The following CSMD3 variants were observed in gnomAD, a reference collection of about 807,000 sequenced individuals.
The protein encoded by CSMD3 is CUB and sushi domain-containing protein 3.
Under a neutral mutation model 435.2 loss-of-function variants are expected in CSMD3, and 177 were observed. The ratio of observed to expected loss-of-function variants is 0.41; its 90% CI spans 0.36 to 0.46. The LOEUF (loss-of-function observed/expected upper bound fraction) is 0.46. Among genes scored for constraint, CSMD3 ranks in the 20% least tolerant of loss-of-function variants. The probability of loss-of-function intolerance (pLI) is 0.34; values close to 1 mark genes in which losing one functional copy is unlikely to be tolerated. For synonymous variants in CSMD3, 1,656 were observed against 1,520.5 expected (o/e 1.09, Z -2.07); for missense variants, 4,265 against 4,504.6 (o/e 0.95, Z 1.52).
In CSMD3 at chr8:112,543,121, C is replaced by T. The variant is rs551537924; in HGVS notation, c.4564+7550G>A. On this transcript the variant is annotated intron_variant, in intron 27 of 70. Coordinates refer to ENST00000297405, the MANE Select transcript of CSMD3 (RefSeq NM_198123.2). Reference sequence around the variant, plus strand: ...ACTCAAAATGGATTAAAAGCTTAAACGCCAGACCTGAAACTGTAAAACTTC... The same window carrying T: ...ACTCAAAATGGATTAAAAGCTTAAATGCCAGACCTGAAACTGTAAAACTTC... 3.9e-5 allele frequency among the ~76,000 whole-genome samples: 6 copies of T among 152,054 alleles called. No homozygotes were observed. The South Asian group carries it at 8.3e-4, about 21-fold the overall frequency.
At chr8:113,184,102 G>C (rs537761689) in intron 3 of CSMD3, among the ~76,000 whole-genome samples, 80 of 152,028 alleles carry the variant, frequency 5.3e-4, no homozygotes, top group African/African-American at 1.8e-3. Flanking sequence ...CAGAACTTAA[G>C]GATTCACTTG....
intron 65 of CSMD3, 100 bp downstream of exon 65, chr8:112,244,294 C>T (rs1814472243): frequency 1.0e-6 from 1 of 979,328 alleles, no homozygotes; most frequent in Non-Finnish European, 1.6e-6. Context: ...CAACAAATTT[C>T]CCTTGTTCCT....
At chr8:113,164,100 A>T (rs1379510290) in intron 4 of CSMD3, among the ~76,000 whole-genome samples, 1 of 152,052 alleles carries the variant, frequency 6.6e-6, no homozygotes, top group African/African-American at 2.4e-5. Flanking sequence ...TGTAAGAAAA[A>T]TAAAAGCTAA....
At chr8:112,240,754 T>C (rs911092926) in intron 66 of CSMD3, among the ~76,000 whole-genome samples, 1 of 152,114 alleles carries the variant, frequency 6.6e-6, no homozygotes, top group Non-Finnish European at 1.5e-5. Context: ...CTCCCATAAT[T>C]CCCACATGTT....
intron 13 of CSMD3, among the ~76,000 whole-genome samples, chr8:112,797,372 A>G (rs2432740): frequency 0.99 from 151,072 of 151,964 alleles, 75,097 homozygotes; most frequent in Middle Eastern, 1. Context: ...TCTAACAGAA[A>G]ACGTCATTTG....
intron 34 of CSMD3, 61 bp downstream of exon 34, chr8:112,408,257 A>AATAC: frequency 2.0e-6 from 2 of 978,390 alleles, no homozygotes; most frequent in South Asian, 2.6e-5. Flanking sequence ...AAAAACTCTG[A>AATAC]ATACATCATG....
At chr8:113,314,387 A>G in intron 2 of CSMD3, 184 bp downstream of exon 2, 1 of 597,598 alleles carries the variant, frequency 1.7e-6, no homozygotes, top group Non-Finnish European at 3.0e-6. Flanking sequence ...TGTACTAGCA[A>G]TATGACATCA....
At chr8:112,758,181 C>T (rs2077748368) in intron 13 of CSMD3, among the ~76,000 whole-genome samples, 1 of 151,050 alleles carries the variant, frequency 6.6e-6, no homozygotes, top group Admixed American at 6.6e-5. Flanking sequence ...AGTGAAACCC[C>T]ATCTCTACTG....
chr8:112,809,209 A>G (rs1563981959), intron 12 of CSMD3, among the ~76,000 whole-genome samples: 1 of 152,132 alleles, frequency 6.6e-6, no homozygotes, highest in Non-Finnish European at 1.5e-5. Context: ...CTAAGACACA[A>G]AACCATAAGG....
intron 50 of CSMD3, chr8:112,310,678 T>A: frequency 2.3e-6 from 1 of 430,058 alleles, no homozygotes; most frequent in Non-Finnish European, 4.3e-6. Flanking sequence ...CTTCCTCTCT[T>A]TCAATAATTG....
chr8:112,504,924 T>C (rs1188803924), intron 29 of CSMD3, among the ~76,000 whole-genome samples: 2 of 152,166 alleles, frequency 1.3e-5, no homozygotes, highest in Non-Finnish European at 2.9e-5. Context: ...AAACTTGCCA[T>C]TGTTAAACAT....
chr8:113,017,569 G>A (rs558637501), intron 6 of CSMD3, among the ~76,000 whole-genome samples: 3 of 151,928 alleles, frequency 2.0e-5, no homozygotes, highest in East Asian at 1.9e-4. Context: ...CACAGGAATC[G>A]AAGAGGATTG....
chr8:112,591,955 G>C (rs1831230017), intron 22 of CSMD3, among the ~76,000 whole-genome samples: 1 of 151,906 alleles, frequency 6.6e-6, no homozygotes, highest in African/African-American at 2.4e-5. Flanking sequence ...AAGCAAAAAT[G>C]TTGCCAATAC....
intron 31 of CSMD3, among the ~76,000 whole-genome samples, chr8:112,473,689 T>C (rs749238983): frequency 1.6e-4 from 14 of 88,538 alleles, no homozygotes; most frequent in Non-Finnish European, 3.0e-4. Flanking sequence ...GTGGAGTTTT[T>C]CTGCCCCAGG....
At chr8:112,854,378 CA>C (rs1185584285) in intron 11 of CSMD3, among the ~76,000 whole-genome samples, 1 of 151,994 alleles carries the variant, frequency 6.6e-6, no homozygotes, top group Non-Finnish European at 1.5e-5. Flanking sequence ...ATTTTGAAAA[CA>C]AAATTTGTGG....
intron 31 of CSMD3, among the ~76,000 whole-genome samples, chr8:112,485,829 A>C (rs1586480353): frequency 6.6e-6 from 1 of 152,176 alleles, no homozygotes; most frequent in African/African-American, 2.4e-5. Context: ...TATACTTGGA[A>C]GTTGAACAGA....
chr8:113,376,958 A>T (rs2094388175), intron 1 of CSMD3: 1 of 1,477,502 alleles, frequency 6.8e-7, no homozygotes, highest in Non-Finnish European at 9.1e-7. Context: ...GAGGTGCCCA[A>T]ACTAAAGGTG....
At chr8:113,403,231 AAAC>A (rs1200024119) in intron 1 of CSMD3, among the ~76,000 whole-genome samples, 6 of 151,400 alleles carry the variant, frequency 4.0e-5, no homozygotes, top group African/African-American at 9.7e-5. Context: ...ATGAATAATT[AAAC>A]AACAAGTGAC....
At chr8:112,616,243 C>A (rs1004518814) in intron 22 of CSMD3, among the ~76,000 whole-genome samples, 7 of 151,836 alleles carry the variant, frequency 4.6e-5, no homozygotes, top group South Asian at 4.1e-4. Context: ...GGAACAGAGT[C>A]GTATAACTGG....
Sources: allele counts gnomAD v4.1 joint callset (sites outside exome capture counted in the v4.1 genomes callset), GRCh38; gene constraint gnomAD v4.1.1; transcripts MANE v1.5; gene names NCBI Gene and HGNC (gene_info 2026-07-23, HGNC 2026-07-21).